The following SATB2 variants were observed in gnomAD, a reference collection of about 807,000 sequenced individuals.
The protein encoded by SATB2 is SATB homeobox 2, also known as DNA-binding protein SATB2.
In SATB2, 1 loss-of-function variant was observed where a neutral mutation model predicts 73.4. The observed-to-expected ratio is 0.01, with a 90% confidence interval of 0.00 to 0.06. SATB2 has a LOEUF of 0.06. Among genes scored for constraint, SATB2 ranks in the 10% least tolerant of loss-of-function variants. The pLI is 1.00. For synonymous variants in SATB2, 397 were observed against 367.0 expected (o/e 1.08, Z -0.93); for missense variants, 459 against 945.8 (o/e 0.49, Z 6.75).
chr2:199,336,960 T>C (rs1688355484), intron 7 of SATB2, among the ~76,000 whole-genome samples: 1 of 152,206 alleles, frequency 6.6e-6, no homozygotes, highest in East Asian at 1.9e-4. Context: ...AGAGAGCTTC[T>C]AACTGTATGT....
intron 3 of SATB2, among the ~76,000 whole-genome samples, chr2:199,403,603 G>A (rs1452912240): frequency 1.3e-5 from 2 of 152,058 alleles, no homozygotes; most frequent in Non-Finnish European, 2.9e-5. Flanking sequence ...CTCTTTCCTT[G>A]CAAATAAAGC....
chr2:199,356,904 T>C (rs1689003519), intron 6 of SATB2, among the ~76,000 whole-genome samples: 1 of 152,240 alleles, frequency 6.6e-6, no homozygotes, highest in Non-Finnish European at 1.5e-5. Flanking sequence ...CACATCATTA[T>C]CGTTTAACTC....
intron 3 of SATB2, among the ~76,000 whole-genome samples, chr2:199,418,512 A>T (rs944380045): frequency 1.3e-5 from 2 of 152,120 alleles, no homozygotes; most frequent in African/African-American, 4.8e-5. Flanking sequence ...AAAATGTGAA[A>T]TTTTTTCACA....
At chr2:199,340,386 G>A (rs1688468722) in intron 7 of SATB2, among the ~76,000 whole-genome samples, 1 of 152,190 alleles carries the variant, frequency 6.6e-6, no homozygotes, top group African/African-American at 2.4e-5. Context: ...ATGTAAGGTT[G>A]CAAATTGTGT....
In SATB2 at chr2:199,433,438, G is replaced by A. The variant is rs146889022; in HGVS notation, c.246C>T (p.Ala82=). The part of the protein sequence containing the change: ...SLEYDNREEH[A]EFVLVRKDVL... ...CATCTTTCCGCACCAGGACAAACTC[G>A]GCGTGTTCTTCTCTGTTGTCATATT... is the stretch of plus-strand genomic sequence containing the variant. The change falls in exon 3 of 11, where the codon GCC becomes GCT. Residue 82 remains alanine, a synonymous_variant. Transcript: ENST00000417098. 148 of 1,613,972 alleles carry A rather than the reference G, an allele frequency of 9.2e-5. No homozygotes were observed. The highest frequency in any genetic ancestry group is 1.2e-4 in the Non-Finnish European group (139 of 1,180,016).
At chr2:199,435,400 G>A (rs1691622869) in intron 2 of SATB2, among the ~76,000 whole-genome samples, 1 of 151,446 alleles carries the variant, frequency 6.6e-6, no homozygotes, top group African/African-American at 2.4e-5. Context: ...CCAGGCTGGA[G>A]GGCAATGGTG....
rs570914775 is a variant in SATB2, at chr2:199,325,206, C to T, written c.1387-1248G>A. On this transcript the variant is annotated intron_variant, in intron 8 of 10. Transcript: ENST00000417098. ...AAGCAATAATTACTATAATTTATGG[C>T]GTGCTTTTTATGGGCCAGGTACTCC... 7 of 152,234 alleles carry T rather than the reference C, an allele frequency of 4.6e-5. No homozygotes were observed. The South Asian group carries it at 8.3e-4, about 18-fold the overall frequency. The allele number at this position is 152,234 out of a possible 1,614,324, so 9.4% of individuals were successfully genotyped here. A position where few individuals can be genotyped will look rare whatever the true frequency, so the allele number is the denominator to read the frequency against.
intron 3 of SATB2, among the ~76,000 whole-genome samples, chr2:199,382,099 T>A (rs1559018224): frequency 1.3e-5 from 2 of 152,342 alleles, no homozygotes; most frequent in South Asian, 4.1e-4. Flanking sequence ...GGATACTTCC[T>A]TCCCCCCAGA....
chr2:199,360,972 C>T (rs1689120062), intron 6 of SATB2, among the ~76,000 whole-genome samples: 1 of 152,052 alleles, frequency 6.6e-6, no homozygotes, highest in Non-Finnish European at 1.5e-5. Context: ...CCCTTGGCTT[C>T]AGTGACACCT....
intron 7 of SATB2, 192 bp from the exon 8 acceptor site, chr2:199,329,102 T>C (rs1688116327): frequency 3.1e-6 from 2 of 645,606 alleles, no homozygotes; most frequent in South Asian, 1.7e-5. Context: ...TGCATTATTT[T>C]AGGACTGTTC....
intron 6 of SATB2, among the ~76,000 whole-genome samples, chr2:199,352,227 T>TTAA (rs1249700041): frequency 6.6e-6 from 1 of 152,198 alleles, no homozygotes; most frequent in Non-Finnish European, 1.5e-5. Context: ...ATAGAATGCA[T>TTAA]TATTTGACCA....
At chr2:199,346,182 G>A (rs1311878319) in intron 7 of SATB2, among the ~76,000 whole-genome samples, 3 of 147,946 alleles carry the variant, frequency 2.0e-5, no homozygotes, top group Non-Finnish European at 3.0e-5. Context: ...ACAGAGTCTC[G>A]CTCTGTTGCC....
Position 199,272,245 on chromosome 2 carries a change from C to CT in SATB2, c.2167dup (p.Ser723LysfsTer9). On this transcript the variant is annotated frameshift_variant, in exon 11 of 11. Coordinates refer to ENST00000417098, the MANE Select transcript of SATB2 (RefSeq NM_001172509.2). LOFTEE classifies it high-confidence loss of function. The surrounding 1 kb of genome is among the most constrained non-coding windows in gnomAD (Gnocchi z 6.7). ...GTCAATTTCGGCAGGTGCTGCCTTGCTTTTGTCAGCATTTTCCTCCTCAGC... is the reference window on the plus strand; with the variant it reads ...GTCAATTTCGGCAGGTGCTGCCTTGCTTTTTGTCAGCATTTTCCTCCTCAGC... The CT allele has an allele frequency of 1.2e-6, 2 of 1,614,154 alleles. No homozygotes were observed. The highest frequency in any genetic ancestry group is 1.7e-6 in the Non-Finnish European group (2 of 1,180,022).
At chr2:199,465,964 C>G (rs547462640), upstream of SATB2, among the ~76,000 whole-genome samples, 1 of 152,304 alleles carries the variant, frequency 6.6e-6, no homozygotes, top group South Asian at 2.1e-4. Context: ...CAGGAACCCA[C>G]CCAAACCTGT....
At chr2:199,362,924 T>C (rs923627576) in intron 6 of SATB2, among the ~76,000 whole-genome samples, 2 of 152,204 alleles carry the variant, frequency 1.3e-5, no homozygotes, top group East Asian at 3.9e-4. Flanking sequence ...TTTCTTAATG[T>C]CTATTTAAAA....
rs1692198859 is a variant in SATB2 at position 199,272,714 on chromosome 2, T to C, written c.1741-42A>G. 1 of 1,564,932 alleles carries C rather than the reference T, an allele frequency of 6.4e-7. No homozygotes were observed. Among genetic ancestry groups the C allele is most frequent in the Non-Finnish European group, 8.8e-7 (1 of 1,135,390 alleles). On this transcript the variant is annotated intron_variant, in intron 10 of 10. Coordinates refer to ENST00000417098, the MANE Select transcript of SATB2 (RefSeq NM_001172509.2). This position sits in a 1 kb window ranked among gnomAD's most constrained non-coding sequence, Gnocchi z 6.7. ...AAAAAAATGAACACTGGACTCATGA[T>C]TTTACCTTTCCAAAACCATCAGCCC...
intron 8 of SATB2, among the ~76,000 whole-genome samples, chr2:199,324,904 C>G (rs1160046625): frequency 1.3e-5 from 2 of 152,138 alleles, no homozygotes; most frequent in African/African-American, 4.8e-5. Context: ...GGTTTTTTCT[C>G]TTTGTCCCCA....
At chr2:199,434,242 T>G (rs145493175) in intron 2 of SATB2, among the ~76,000 whole-genome samples, 19 of 152,250 alleles carry the variant, frequency 1.2e-4, no homozygotes, top group Non-Finnish European at 2.4e-4. Context: ...GTAAAATTAT[T>G]TTATACATTA....
intron 3 of SATB2, among the ~76,000 whole-genome samples, chr2:199,429,803 G>T (rs1691445606): frequency 6.6e-6 from 1 of 152,186 alleles, no homozygotes; most frequent in African/African-American, 2.4e-5. Flanking sequence ...CCAGCTATTT[G>T]GGAGCCTAAG....
Sources: gnomAD v4.1 joint callset for allele counts (sites outside exome capture counted in the v4.1 genomes callset) on GRCh38, gnomAD v4.1.1 for gene constraint, Gnocchi (gnomAD v3.1) non-coding constraint, MANE v1.5 for transcripts, NCBI Gene and HGNC (gene_info 2026-07-23, HGNC 2026-07-21) for gene names.